SPATS2L: variants seen among roughly 807,000 people sequenced by gnomAD.
SPATS2L encodes the protein spermatogenesis associated serine rich 2 like.
Under a neutral mutation model 59.6 loss-of-function variants are expected in SPATS2L, and 30 were observed. The observed-to-expected ratio is 0.50, with a 90% CI of 0.38 to 0.68. SPATS2L has a LOEUF of 0.68. Ranked by LOEUF, SPATS2L falls within the 30% of genes least tolerant of loss-of-function variation. SPATS2L has a pLI of 0.00. For synonymous variants in SPATS2L, 252 were observed against 263.5 expected (o/e 0.96, Z 0.42); for missense variants, 615 against 700.0 (o/e 0.88, Z 1.37).
At chr2:200,347,220 T>C (rs2080543444) in intron 2 of SPATS2L, among the ~76,000 whole-genome samples, 1 of 152,172 alleles carries the variant, frequency 6.6e-6, no homozygotes, top group African/African-American at 2.4e-5. Flanking sequence ...TTCCTCTTCC[T>C]TAGTAACACA....
At chr2:200,435,935 T>G (rs1390157369) in intron 6 of SPATS2L, among the ~76,000 whole-genome samples, 1 of 152,218 alleles carries the variant, frequency 6.6e-6, no homozygotes, top group Non-Finnish European at 1.5e-5. Context: ...GTAGTCAATC[T>G]TTTTTAAATT....
rs202152926 is a variant in SPATS2L, at chr2:200,477,836, G to A, written c.1482G>A (p.Leu494=). ...KGGAKNQEAS[L]GMKTPEAPAH... ...GTGCCAAAAATCAAGAGGCTTCCTT[G>A]GGGATGAAGACCCCCGAGGCCCCGG... The change falls in exon 13 of 13, where the codon TTG becomes TTA. Residue 494 remains leucine (L), a synonymous_variant. Transcript: ENST00000409140. The A allele has an allele frequency of 4.3e-5, 68 of 1,582,084 alleles. No homozygotes were observed. Among genetic ancestry groups the A allele is most frequent in the Non-Finnish European group, 5.2e-5 (61 of 1,164,110 alleles).
chr2:200,316,918 A>G (rs962737213), intron 1 of SPATS2L, among the ~76,000 whole-genome samples: 8 of 152,298 alleles, frequency 5.3e-5, no homozygotes, highest in Admixed American at 5.2e-4. Context: ...TATTCTTGCT[A>G]GTTTGCAGTC....
chr2:200,342,827 TAGA>T (rs750526985), intron 2 of SPATS2L, among the ~76,000 whole-genome samples: 14 of 152,206 alleles, frequency 9.2e-5, no homozygotes, highest in Non-Finnish European at 1.6e-4. Flanking sequence ...GTGGTTATGA[TAGA>T]AGAATATCCT....
Position 200,478,079 on chromosome 2 carries a change from G to A in SPATS2L, c.*48G>A, listed in dbSNP as rs748307406. On this transcript the variant is annotated 3_prime_UTR_variant, in exon 13 of 13. Coordinates refer to ENST00000409140, the MANE Select transcript of SPATS2L (RefSeq NM_001100423.2). ...TTCACTCAGTTTTGGTTCCCTGCCC[G>A]AGGTGCTGACCCAATTCGCTGCCAA... 9.3e-6 allele frequency: 14 copies of A among 1,502,704 alleles called. No individual in the cohort carries two copies. In the East Asian group the frequency reaches 1.4e-4, roughly 15 times the overall value. 93.1% of individuals were successfully genotyped at this position (1,502,704 alleles called of 1,614,324 possible).
intron 6 of SPATS2L, among the ~76,000 whole-genome samples, chr2:200,423,892 G>A (rs1223875082): frequency 6.6e-6 from 1 of 152,100 alleles, no homozygotes; most frequent in Non-Finnish European, 1.5e-5. Context: ...ATCATTTTTT[G>A]GTAGGGGAAA....
At chr2:200,421,486 A>T (rs1210753715) in intron 6 of SPATS2L, among the ~76,000 whole-genome samples, 1 of 152,218 alleles carries the variant, frequency 6.6e-6, no homozygotes, top group Non-Finnish European at 1.5e-5. Flanking sequence ...CATGTACCAA[A>T]TCAGGGTGGC....
At chr2:200,327,624 A>G (rs1011710479) in intron 1 of SPATS2L, among the ~76,000 whole-genome samples, 1 of 152,252 alleles carries the variant, frequency 6.6e-6, no homozygotes, top group African/African-American at 2.4e-5. Context: ...TCAACACAAC[A>G]ATGTTTGCCT....
chr2:200,423,166 G>C (rs1018384346), intron 6 of SPATS2L, among the ~76,000 whole-genome samples: 1 of 152,186 alleles, frequency 6.6e-6, no homozygotes, highest in Non-Finnish European at 1.5e-5. Context: ...GGAATTTTCT[G>C]TTTGCTATGT....
At chr2:200,414,100 C>G (rs1246893619) in intron 4 of SPATS2L, among the ~76,000 whole-genome samples, 1 of 151,468 alleles carries the variant, frequency 6.6e-6, no homozygotes, top group Admixed American at 6.6e-5. Flanking sequence ...CCTACCCCCA[C>G]TTGGATTGAG....
At chr2:200,451,453 A>G (rs932190822) in intron 8 of SPATS2L, among the ~76,000 whole-genome samples, 1 of 152,238 alleles carries the variant, frequency 6.6e-6, no homozygotes, top group African/African-American at 2.4e-5. Context: ...TAATCTGTAT[A>G]CTAAAGATGA....
chr2:200,401,259 T>TCGAGAGAGAGCGTGCC (rs2082517772), intron 3 of SPATS2L, among the ~76,000 whole-genome samples: 1 of 151,994 alleles, frequency 6.6e-6, no homozygotes, highest in African/African-American at 2.4e-5. Context: ...CCACCATCCA[T>TCGAGAGAGAGCGTGCC]CTCCATGAGA....
chr2:200,390,837 A>G (rs1431965994), intron 3 of SPATS2L: 2 of 151,044 alleles, frequency 1.3e-5, no homozygotes, highest in African/African-American at 4.9e-5. Flanking sequence ...TCCTCCAGTC[A>G]TGAATGTAGG....
intron 3 of SPATS2L, among the ~76,000 whole-genome samples, chr2:200,407,590 TAGAC>T (rs770704777): frequency 2.8e-4 from 42 of 152,340 alleles, no homozygotes; most frequent in South Asian, 4.1e-4. Context: ...CTTGGAAGGA[TAGAC>T]AGGCAGTTAC....
chr2:200,420,729 G>A (rs929490071), intron 6 of SPATS2L, among the ~76,000 whole-genome samples: 5 of 152,006 alleles, frequency 3.3e-5, no homozygotes, highest in African/African-American at 9.7e-5. Flanking sequence ...TTGTAAATCC[G>A]TAGTAAAACT....
chr2:200,467,927 C>A (rs919504787), intron 10 of SPATS2L, among the ~76,000 whole-genome samples: 2 of 152,060 alleles, frequency 1.3e-5, no homozygotes, highest in African/African-American at 4.8e-5. Context: ...CAGAAACTGA[C>A]CCTGGCTAAC....
chr2:200,472,138 G>C lies in SPATS2L; in HGVS notation c.1061-694G>C, dbSNP rs140658981. On this transcript the variant is annotated intron_variant, in intron 11 of 12. Transcript: ENST00000409140. ...TGACGGGTGTCCGCCTGATCAGCCTGCCTTGCCTGTAACCTTGGAAGTGGT... is the reference window on the plus strand; with the variant it reads ...TGACGGGTGTCCGCCTGATCAGCCTCCCTTGCCTGTAACCTTGGAAGTGGT... Among the ~76,000 whole-genome samples, 70 of 152,342 alleles carry C rather than the reference G, an allele frequency of 4.6e-4. 1 individual carries two copies. Among genetic ancestry groups the C allele is most frequent in the South Asian group, 3.3e-3 (16 of 4,822 alleles).
chr2:200,419,235 T>G lies in SPATS2L; in HGVS notation c.199-15T>G. ...CTGAGTTGAATATTATGTTCTCATTTGTTTCTCATTCTAGAACAATAAAAG... is the reference window on the plus strand; with the variant it reads ...CTGAGTTGAATATTATGTTCTCATTGGTTTCTCATTCTAGAACAATAAAAG... On this transcript the variant is annotated splice_polypyrimidine_tract_variant and intron_variant, in intron 5 of 12. Transcript: ENST00000409140. The G allele has an allele frequency of 7.7e-6, 12 of 1,551,944 alleles. No homozygotes were observed. Among genetic ancestry groups the G allele is most frequent in the Non-Finnish European group, 9.6e-6 (11 of 1,147,724 alleles).
chr2:200,409,746 G>GA (rs1334576619), intron 3 of SPATS2L, among the ~76,000 whole-genome samples: 1 of 152,174 alleles, frequency 6.6e-6, no homozygotes, highest in Non-Finnish European at 1.5e-5. Context: ...TATTCAGTTA[G>GA]ATTTGATATC....
Sources: gnomAD v4.1 joint callset for allele counts (sites outside exome capture counted in the v4.1 genomes callset) on GRCh38, gnomAD v4.1.1 for gene constraint, MANE v1.5 for transcripts, NCBI Gene and HGNC (gene_info 2026-07-23, HGNC 2026-07-21) for gene names.